The following ACSM2A variants were observed in gnomAD, a reference collection of about 807,000 sequenced individuals.
ACSM2A encodes acyl-CoA synthetase medium chain family member 2A.
ACSM2A carries 72 observed loss-of-function variants against 76.6 expected under a neutral mutation model. That is an observed-to-expected ratio of 0.94 (90% confidence interval 0.78 to 1.14). The LOEUF (loss-of-function observed/expected upper bound fraction) is 1.14, where lower values mean the gene tolerates loss of function less well. ACSM2A is among the 50% of genes most tolerant of loss of function. The probability of loss-of-function intolerance (pLI) is 0.00; values close to 1 mark genes in which losing one functional copy is unlikely to be tolerated. For missense variants in ACSM2A, 684 were observed against 708.5 expected, an observed-to-expected ratio of 0.97 and a Z score of 0.39; for synonymous variants, 249 against 255.9, an observed-to-expected ratio of 0.97 and a Z score of 0.26.
At position 20,475,375 on chromosome 16, in the gene ACSM2A, A is replaced by T; in HGVS notation, c.908A>T (p.Tyr303Phe). 1.2e-6 allele frequency: 2 copies of T among 1,613,774 alleles called. No homozygotes were observed. Among genetic ancestry groups the T allele is most frequent in the Non-Finnish European group, 1.7e-6 (2 of 1,179,716 alleles). ...CTTGTCTTCCAGACACTCTCCAGTT[A>T]TCCAATCAAGAGTATGATGGGTGCC... ...PLVILKTLSS[Y>F]PIKSMMGAPI... Residue 303 changes from tyrosine (Y) to phenylalanine (F), a missense_variant, in exon 7 of 14, where the codon TAT (tyrosine) becomes TTT (phenylalanine). Around this residue, in one of 3 missense-constraint regions of ACSM2A, gnomAD observed 519 missense variants for 549.5 expected, o/e 0.94. Transcript: ENST00000573854.
chr16:20,474,451 G>A (rs777023803), intron 6 of ACSM2A, among the ~76,000 whole-genome samples: 16 of 152,040 alleles, frequency 1.1e-4, no homozygotes, highest in South Asian at 2.1e-4. Context: ...GGGACTCTGC[G>A]GAGTCCCCAA....
Position 20,483,069 on chromosome 16 carries a change from A to C in ACSM2A, c.1521A>C (p.Ala507=). The change falls in exon 13 of 14, where the codon GCA becomes GCC. Residue 507 remains alanine (A), a synonymous_variant. Transcript: ENST00000573854. ...PDPVRGEVVK[A]FVVLASQFLS... Reference sequence around the variant, plus strand: ...CATCTTTTTTGCAGGTGGTGAAGGCATTTGTGGTCCTGGCCTCGCAGTTCC... The same window carrying C: ...CATCTTTTTTGCAGGTGGTGAAGGCCTTTGTGGTCCTGGCCTCGCAGTTCC... The C allele has an allele frequency of 6.2e-7, 1 of 1,613,908 alleles. No homozygotes were observed. Among genetic ancestry groups the C allele is most frequent in the Non-Finnish European group, 8.5e-7 (1 of 1,179,884 alleles).
chr16:20,458,930 A>ATG (rs1279448606), intron 1 of ACSM2A, among the ~76,000 whole-genome samples: 1 of 58,520 alleles, frequency 1.7e-5, no homozygotes, highest in Admixed American at 1.5e-4. Flanking sequence ...ATATATATAT[A>ATG]TACATATATA....
At position 20,471,217 on chromosome 16, in the gene ACSM2A, G is replaced by A. The variant is rs1343254071; in HGVS notation, c.740+1G>A. ...GCCTCAAGGCCAAGATGGATGCTGG[G>A]TAAGCTGAGCTCTTTCTCTCTACAG... On this transcript the variant is annotated splice_donor_variant, in intron 5 of 13. Coordinates refer to ENST00000573854, the MANE Select transcript of ACSM2A (RefSeq NM_001308172.2). LOFTEE classifies it high-confidence loss of function. 2.9e-5 allele frequency: 46 copies of A among 1,607,742 alleles called. No individual in the cohort carries two copies. The highest frequency in any genetic ancestry group is 3.7e-5 in the Non-Finnish European group (44 of 1,176,530).
At chr16:20,457,826 C>A (rs1221574797) in intron 1 of ACSM2A, among the ~76,000 whole-genome samples, 1 of 151,978 alleles carries the variant, frequency 6.6e-6, no homozygotes, top group Non-Finnish European at 1.5e-5. Flanking sequence ...ATCAATCAGA[C>A]AAGAGAAAGA....
At position 20,453,092 on chromosome 16, in the gene ACSM2A, C is replaced by T. The variant is rs577240850; in HGVS notation, c.-9+1411C>T. ...TTGCCCTGAGTGAGAGTCTAATCTC[C>T]TGTAGAGAAAGAACTGAAATTGTGG... On this transcript the variant is annotated intron_variant, in intron 1 of 13. Coordinates refer to ENST00000573854, the MANE Select transcript of ACSM2A (RefSeq NM_001308172.2). 6.0e-3 allele frequency among the ~76,000 whole-genome samples: 911 copies of T among 152,104 alleles called. 7 individuals are homozygous for T. The highest frequency in any genetic ancestry group is 0.021 in the African/African-American group (858 of 41,510).
chr16:20,483,875 C>T (rs1487702313), intron 13 of ACSM2A, among the ~76,000 whole-genome samples: 1 of 152,088 alleles, frequency 6.6e-6, no homozygotes, highest in African/African-American at 2.4e-5. Flanking sequence ...TTCATTATGG[C>T]TAGTCCCAGG....
intron 4 of ACSM2A, chr16:20,470,757 T>G (rs2013338333): frequency 1.3e-5 from 7 of 532,996 alleles, no homozygotes; most frequent in Non-Finnish European, 2.2e-5. Flanking sequence ...CTAAGCAATT[T>G]GCTCATTTCT....
intron 13 of ACSM2A, among the ~76,000 whole-genome samples, chr16:20,485,402 C>T (rs1646253742): frequency 6.6e-6 from 1 of 152,176 alleles, no homozygotes; most frequent in African/African-American, 2.4e-5. Context: ...CTACTTCTCT[C>T]TTCATGACAA....
intron 6 of ACSM2A, among the ~76,000 whole-genome samples, chr16:20,472,009 G>A (rs1381081019): frequency 6.6e-6 from 1 of 152,174 alleles, no homozygotes; most frequent in Non-Finnish European, 1.5e-5. Flanking sequence ...GTGTAAAAGG[G>A]AAAGCTGGAG....
intron 1 of ACSM2A, among the ~76,000 whole-genome samples, chr16:20,457,680 C>T (rs1436658676): frequency 6.6e-6 from 1 of 152,044 alleles, no homozygotes; most frequent in Non-Finnish European, 1.5e-5. Flanking sequence ...GTAATAAAAG[C>T]CATCTATGAT....
In ACSM2A at chr16:20,483,066, G is replaced by C; in HGVS notation, c.1518G>C (p.Lys506Asn). 1 of 1,613,896 alleles carries C rather than the reference G, an allele frequency of 6.2e-7. No individual in the cohort carries two copies. Among genetic ancestry groups the C allele is most frequent in the Non-Finnish European group, 8.5e-7 (1 of 1,179,870 alleles). Reference protein sequence around the residue: ...SPDPVRGEVVKAFVVLASQFL... With the variant: ...SPDPVRGEVVNAFVVLASQFL... ...CTTCATCTTTTTTGCAGGTGGTGAAGGCATTTGTGGTCCTGGCCTCGCAGT... is the reference window on the plus strand; with the variant it reads ...CTTCATCTTTTTTGCAGGTGGTGAACGCATTTGTGGTCCTGGCCTCGCAGT... Residue 506 changes from lysine (K) to asparagine (N), a missense_variant, in exon 13 of 14, where the codon AAG becomes AAC. Physicochemically the swap from Lys to Asn is moderately conservative, Grantham distance 94. Transcript: ENST00000573854.
At chr16:20,478,390 C>T (rs1033236524) in intron 9 of ACSM2A, among the ~76,000 whole-genome samples, 186 bp from the exon 10 acceptor site, 1 of 152,190 alleles carries the variant, frequency 6.6e-6, no homozygotes, top group Non-Finnish European at 1.5e-5. Flanking sequence ...TTCACCTAAA[C>T]TATTCCAGGC....
At chr16:20,470,122 G>A (rs1159969132) in intron 4 of ACSM2A, among the ~76,000 whole-genome samples, 2 of 152,088 alleles carry the variant, frequency 1.3e-5, no homozygotes, top group African/African-American at 4.8e-5. Context: ...GTAAAACAGA[G>A]AAACTATGGG....
At chr16:20,467,203 G>C (rs974590658) in intron 3 of ACSM2A, among the ~76,000 whole-genome samples, 1 of 152,166 alleles carries the variant, frequency 6.6e-6, no homozygotes, top group African/African-American at 2.4e-5. Context: ...TGAAGTCCAG[G>C]CCATAAAAGA....
intron 1 of ACSM2A, chr16:20,453,417 C>T (rs938229591): frequency 7.3e-5 from 11 of 151,558 alleles, no homozygotes; most frequent in Admixed American, 2.6e-4. Flanking sequence ...ACATTTATCA[C>T]GTCCCCAATT....
In ACSM2A at chr16:20,469,870, G is replaced by GTT. The variant is rs1567365569; in HGVS notation, c.596+152_596+153insTT. The GTT allele has an allele frequency of 3.3e-4, 202 of 617,584 alleles. 1 individual carries two copies. The highest frequency in any genetic ancestry group is 5.9e-4 in the South Asian group (25 of 42,388). The allele number at this position is 617,584 out of a possible 1,614,324, so 38.3% of individuals were successfully genotyped here. A position where few individuals can be genotyped will look rare whatever the true frequency, so the allele number is the denominator to read the frequency against. The stretch of plus-strand genomic sequence containing the variant: ...GGAAGAAATAAAAGCTAACACAAGG[G>GTT]TATTTTTTTTTTTTTTTTTTTTTTT... On this transcript the variant is annotated intron_variant, in intron 4 of 13. Transcript: ENST00000573854.
intron 2 of ACSM2A, among the ~76,000 whole-genome samples, chr16:20,464,825 C>T (rs1175770266): frequency 6.6e-6 from 1 of 152,066 alleles, no homozygotes; most frequent in Admixed American, 6.5e-5. Context: ...ACAGAGTTTT[C>T]ATTTTGGATG....
At chr16:20,478,138 T>A (rs2013856317) in intron 9 of ACSM2A, among the ~76,000 whole-genome samples, 1 of 152,200 alleles carries the variant, frequency 6.6e-6, no homozygotes. Flanking sequence ...TTCATTCCTA[T>A]AAAAATCCTG....
Sources: gnomAD v4.1 joint callset for allele counts (sites outside exome capture counted in the v4.1 genomes callset) on GRCh38, gnomAD v4.1.1 for gene constraint, gnomAD v4.1.1 regional missense constraint, MANE v1.5 for transcripts, NCBI Gene and HGNC (gene_info 2026-07-23, HGNC 2026-07-21) for gene names.